The following CCSER1 variants were observed in gnomAD, a reference collection of about 807,000 sequenced individuals.
The protein encoded by CCSER1 is serine-rich coiled-coil domain-containing protein 1.
CCSER1 carries 41 observed loss-of-function variants against 82.0 expected under a neutral mutation model. The ratio of observed to expected loss-of-function variants is 0.50; its 90% CI spans 0.39 to 0.65. CCSER1 has a LOEUF of 0.65. Among genes scored for constraint, CCSER1 ranks in the 30% least tolerant of loss-of-function variants. CCSER1 has a pLI of 0.00. For synonymous variants in CCSER1, 414 were observed against 383.9 expected (o/e 1.08, Z -0.92); for missense variants, 1,119 against 1,064.2 (o/e 1.05, Z -0.72).
intron 3 of CCSER1, among the ~76,000 whole-genome samples, chr4:90,335,574 C>A (rs1486896351): frequency 2.0e-5 from 3 of 152,032 alleles, no homozygotes; most frequent in African/African-American, 7.2e-5. Context: ...TTTCCCTTTT[C>A]TTTTTTAGCC....
At chr4:91,328,299 G>A (rs931339698) in intron 10 of CCSER1, among the ~76,000 whole-genome samples, 2 of 152,198 alleles carry the variant, frequency 1.3e-5, no homozygotes, top group Non-Finnish European at 2.9e-5. Context: ...AGCTGTCTGA[G>A]AGGCCTCAGG....
rs995214684 is a variant in CCSER1, at chr4:91,435,376, G to A, written c.2218-163196G>A. Among the ~76,000 whole-genome samples, 27 of 152,086 alleles carry A rather than the reference G, an allele frequency of 1.8e-4. No individual in the cohort carries two copies. In the Middle Eastern group the frequency reaches 0.01, roughly 58 times the overall value. On this transcript the variant is annotated intron_variant, in intron 10 of 10. Transcript: ENST00000509176. The stretch of plus-strand genomic sequence containing the variant: ...GGATAACCTGAGCCCATGAGATCAC[G>A]GCTGCAGAGATTCGTGATCATGCCA...
intron 10 of CCSER1, among the ~76,000 whole-genome samples, chr4:91,340,853 A>G (rs4479672): frequency 0.42 from 63,913 of 151,940 alleles, 13,842 homozygotes; most frequent in East Asian, 0.75. Context: ...AAATAGAGCC[A>G]GTGTTTCTAA....
chr4:90,382,168 C>G (rs1749307676), intron 3 of CCSER1, among the ~76,000 whole-genome samples: 1 of 152,058 alleles, frequency 6.6e-6, no homozygotes, highest in Admixed American at 6.5e-5. Context: ...GGTAAGTTAG[C>G]AAACATGCCA....
Position 90,910,053 on chromosome 4 carries a change from A to G in CCSER1, c.2095-13317A>G, listed in dbSNP as rs1034294086. Among the ~76,000 whole-genome samples, 16 of 152,164 alleles carry G rather than the reference A, an allele frequency of 1.1e-4. 1 individual carries two copies. ...AGTCCTCAGGAAACTTATGCTCATG[A>G]TGGAAGGAGAAGGGGAAGTAAGCAC... On this transcript the variant is annotated intron_variant, in intron 8 of 10. Transcript: ENST00000509176.
chr4:90,286,723 TC>T (rs1478594373), intron 1 of CCSER1, among the ~76,000 whole-genome samples: 9 of 152,028 alleles, frequency 5.9e-5, no homozygotes, highest in African/African-American at 2.2e-4. Context: ...TTTTGCATTT[TC>T]CTTTATGCCT....
chr4:90,418,766 T>A (rs1312064791), intron 4 of CCSER1, among the ~76,000 whole-genome samples: 1 of 152,092 alleles, frequency 6.6e-6, no homozygotes, highest in Non-Finnish European at 1.5e-5. Context: ...TGGGCATCAC[T>A]TAATATATAT....
rs540684806 is a variant in CCSER1 at position 90,976,243 on chromosome 4, TTAAC to T, written c.2172+52800_2172+52803del. On this transcript the variant is annotated intron_variant, in intron 9 of 10. Coordinates refer to ENST00000509176, the MANE Select transcript of CCSER1 (RefSeq NM_001145065.2). ...ATTAAGAAAAGTATTGTGAATCAAA[TTAAC>T]TAATAAGAAAAGGGAATGATTGTAT... Among the ~76,000 whole-genome samples, 496 of 151,310 alleles carry T rather than the reference TTAAC, an allele frequency of 3.3e-3. 3 individuals are homozygous for T. The highest frequency in any genetic ancestry group is 7.8e-3 in the African/African-American group (324 of 41,312).
chr4:90,179,772 T>A (rs1432354006), intron 1 of CCSER1, among the ~76,000 whole-genome samples: 2 of 151,732 alleles, frequency 1.3e-5, no homozygotes, highest in Non-Finnish European at 2.9e-5. Flanking sequence ...TAGAAAGTAT[T>A]TCCTGAATGC....
rs182409507 is a variant in CCSER1 at position 91,198,755 on chromosome 4, A to G, written c.2217+112761A>G. Among the ~76,000 whole-genome samples, 1,481 of 152,304 alleles carry G rather than the reference A, an allele frequency of 9.7e-3. 16 individuals are homozygous for G. The highest frequency in any genetic ancestry group is 0.013 in the Non-Finnish European group (914 of 68,012). On this transcript the variant is annotated intron_variant, in intron 10 of 10. Transcript: ENST00000509176. ...TTAGCCCCAGATATAAAATAAATCC[A>G]CTTAAAATGAGATGCCAATTAAGAC... is the stretch of plus-strand genomic sequence containing the variant.
chr4:91,222,880 C>G (rs1737864329), intron 10 of CCSER1, among the ~76,000 whole-genome samples: 1 of 151,958 alleles, frequency 6.6e-6, no homozygotes, highest in East Asian at 1.9e-4. Flanking sequence ...TGGCTGGTGG[C>G]TACTATATCA....
chr4:91,538,389 T>A (rs1761403894), intron 10 of CCSER1, among the ~76,000 whole-genome samples: 1 of 151,910 alleles, frequency 6.6e-6, no homozygotes, highest in South Asian at 2.1e-4. Flanking sequence ...CAGTTATGAA[T>A]AAGTTTGTTC....
intron 9 of CCSER1, among the ~76,000 whole-genome samples, chr4:90,933,046 G>GA (rs534981272): frequency 3.7e-5 from 2 of 54,172 alleles, no homozygotes; most frequent in Admixed American, 1.6e-4. Flanking sequence ...GAAAGAAAGA[G>GA]AAGGAAGGAA....
At chr4:91,569,387 G>A (rs779698736) in intron 10 of CCSER1, among the ~76,000 whole-genome samples, 1 of 152,120 alleles carries the variant, frequency 6.6e-6, no homozygotes, top group Non-Finnish European at 1.5e-5. Context: ...TCTTAGTAGT[G>A]GTTGGAGCTG....
intron 4 of CCSER1, among the ~76,000 whole-genome samples, chr4:90,466,406 G>A (rs974077238): frequency 1.3e-5 from 2 of 152,186 alleles, no homozygotes; most frequent in Non-Finnish European, 2.9e-5. Flanking sequence ...CAGCTAGCAA[G>A]GTAAAAGGAG....
chr4:90,532,828 C>T (rs371801768), intron 5 of CCSER1, among the ~76,000 whole-genome samples: 62 of 152,172 alleles, frequency 4.1e-4, no homozygotes, highest in African/African-American at 1.3e-3. Flanking sequence ...TCGACTTGTA[C>T]TTTGAGTAGC....
chr4:90,428,109 A>G (rs1164635710), intron 4 of CCSER1, among the ~76,000 whole-genome samples: 1 of 151,864 alleles, frequency 6.6e-6, no homozygotes, highest in Non-Finnish European at 1.5e-5. Context: ...GGAAACCAAT[A>G]TATCTGCTAA....
At chr4:90,692,934 T>A (rs149609226) in intron 6 of CCSER1, among the ~76,000 whole-genome samples, 3 of 151,990 alleles carry the variant, frequency 2.0e-5, no homozygotes, top group African/African-American at 7.2e-5. Context: ...TAAATGCATG[T>A]CCTTTTTTCT....
intron 10 of CCSER1, among the ~76,000 whole-genome samples, chr4:91,476,012 T>C (rs1757575141): frequency 6.6e-6 from 1 of 151,856 alleles, no homozygotes; most frequent in African/African-American, 2.4e-5. Flanking sequence ...TTATTGTGTA[T>C]GACAATATTT....
Sources: allele counts gnomAD v4.1 joint callset (sites outside exome capture counted in the v4.1 genomes callset), GRCh38; gene constraint gnomAD v4.1.1; transcripts MANE v1.5; gene names NCBI Gene and HGNC (gene_info 2026-07-23, HGNC 2026-07-21).